Variants in AGFG1 observed in about 807,000 individuals in gnomAD.
AGFG1 encodes the protein ArfGAP with FG repeats 1.
Under a neutral mutation model 60.6 loss-of-function variants are expected in AGFG1, and 10 were observed. That is an observed-to-expected ratio of 0.16 (90% CI 0.10 to 0.28). The LOEUF is 0.28. Among genes scored for constraint, AGFG1 ranks in the 10% least tolerant of loss-of-function variants. The probability of loss-of-function intolerance (pLI) is 1.00; values close to 1 mark genes in which losing one functional copy is unlikely to be tolerated. For missense variants in AGFG1, 537 were observed against 676.5 expected, an observed-to-expected ratio of 0.79 and a Z score of 2.29; for synonymous variants, 247 against 242.9, an observed-to-expected ratio of 1.02 and a Z score of -0.16.
Position 227,514,213 on chromosome 2 carries a change from A to AT in AGFG1, c.262-5727dup, listed in dbSNP as rs200340922. 6.8e-3 allele frequency among the ~76,000 whole-genome samples: 1,032 copies of AT among 151,966 alleles called. 11 individuals carry two copies. Among genetic ancestry groups the AT allele is most frequent in the African/African-American group, 0.024 (978 of 41,444 alleles). ...GCCCAAAAGTAATATAACTAATACA[A>AT]TTTTTTTTGTTGTTTTTTGAGACAG... On this transcript the variant is annotated intron_variant, in intron 2 of 12. Transcript: ENST00000310078.
chr2:227,474,789 T>C (rs186779793), intron 1 of AGFG1, among the ~76,000 whole-genome samples: 2 of 152,368 alleles, frequency 1.3e-5, no homozygotes, highest in East Asian at 3.9e-4. Flanking sequence ...GATCAAGTAC[T>C]TATGAGCTAG....
At chr2:227,547,781 C>T (rs1692696641) in intron 10 of AGFG1, among the ~76,000 whole-genome samples, 1 of 152,104 alleles carries the variant, frequency 6.6e-6, no homozygotes, top group South Asian at 2.1e-4. Context: ...AACATTTTGG[C>T]AGTTCCTCAA....
chr2:227,515,618 A>G (rs981998316), intron 2 of AGFG1, among the ~76,000 whole-genome samples: 1 of 152,078 alleles, frequency 6.6e-6, no homozygotes, highest in Non-Finnish European at 1.5e-5. Flanking sequence ...TGCTTGATTA[A>G]ACCAATATTC....
chr2:227,528,844 G>T (rs1044848636), intron 5 of AGFG1, among the ~76,000 whole-genome samples: 1 of 152,104 alleles, frequency 6.6e-6, no homozygotes, highest in Non-Finnish European at 1.5e-5. Flanking sequence ...GAAAACAATA[G>T]CCATCATTTA....
intron 2 of AGFG1, among the ~76,000 whole-genome samples, chr2:227,516,235 C>G (rs930165490): frequency 2.0e-5 from 3 of 152,184 alleles, no homozygotes; most frequent in African/African-American, 7.2e-5. Flanking sequence ...TGGGTTCTAC[C>G]TAGAGGGACT....
intron 10 of AGFG1, among the ~76,000 whole-genome samples, chr2:227,550,947 T>G (rs1013449626): frequency 9.9e-5 from 15 of 152,196 alleles, no homozygotes; most frequent in African/African-American, 3.4e-4. Flanking sequence ...TGGCTCTTAT[T>G]TTACTGAGAC....
intron 1 of AGFG1, among the ~76,000 whole-genome samples, chr2:227,482,641 A>G (rs572698717): frequency 1.3e-5 from 2 of 152,352 alleles, no homozygotes; most frequent in South Asian, 4.1e-4. Flanking sequence ...AGCTTCTCCC[A>G]CAGCAGGAGA....
intron 2 of AGFG1, among the ~76,000 whole-genome samples, chr2:227,497,730 G>GC (rs1691020080): frequency 2.6e-5 from 1 of 38,940 alleles, no homozygotes; most frequent in African/African-American, 7.6e-5. Context: ...TTTCTTTCTT[G>GC]TTTTGTTTTT....
At chr2:227,509,664 T>C (rs1691438105) in intron 2 of AGFG1, among the ~76,000 whole-genome samples, 1 of 152,024 alleles carries the variant, frequency 6.6e-6, no homozygotes, top group South Asian at 2.1e-4. Flanking sequence ...TGGTAAAGGG[T>C]ATGTGGGATG....
At chr2:227,493,496 A>G (rs751341857) in intron 2 of AGFG1, among the ~76,000 whole-genome samples, 5 of 152,184 alleles carry the variant, frequency 3.3e-5, no homozygotes, top group Non-Finnish European at 7.4e-5. Context: ...CTGAAGGAAT[A>G]TTTTTTAAGG....
Position 227,554,463 on chromosome 2 carries a change from A to T in AGFG1, c.1657A>T (p.Thr553Ser), listed in dbSNP as rs770002220. 2 of 1,613,708 alleles carry T rather than the reference A, an allele frequency of 1.2e-6. No homozygotes were observed. The highest frequency in any genetic ancestry group is 1.7e-6 in the Non-Finnish European group (2 of 1,179,772). Residue 553 changes from threonine (T) to serine (S), a missense_variant, in exon 13 of 13, where the codon ACA becomes TCA. Physicochemically the swap from Thr to Ser is moderately conservative, Grantham distance 58 (BLOSUM62 1). Transcript: ENST00000310078. ...TGGTGCACCAACAGGACAATTTCCA[A>T]CAGGAAGCTCATCAACCAATCCTTT... ...MTGAPTGQFP[T>S]GSSSTNPFL
At chr2:227,494,901 C>T (rs1690932053) in intron 2 of AGFG1, among the ~76,000 whole-genome samples, 1 of 152,136 alleles carries the variant, frequency 6.6e-6, no homozygotes, top group Admixed American at 6.5e-5. Context: ...GTATTTTAGT[C>T]ATCAATAAAG....
intron 1 of AGFG1, among the ~76,000 whole-genome samples, chr2:227,483,580 CTT>C (rs1690531424): frequency 6.6e-6 from 1 of 152,108 alleles, no homozygotes; most frequent in African/African-American, 2.4e-5. Context: ...GGACTCATAA[CTT>C]TTCTAGATTG....
At chr2:227,485,824 C>A (rs1222377070) in intron 1 of AGFG1, among the ~76,000 whole-genome samples, 4 of 152,148 alleles carry the variant, frequency 2.6e-5, no homozygotes, top group Non-Finnish European at 5.9e-5. Flanking sequence ...CTCCATCTTT[C>A]ATTTAATGTT....
chr2:227,494,904 C>A (rs1456615820), intron 2 of AGFG1, among the ~76,000 whole-genome samples: 3 of 152,122 alleles, frequency 2.0e-5, no homozygotes, highest in Admixed American at 2.0e-4. Context: ...TTTTAGTCAT[C>A]AATAAAGTAT....
intron 2 of AGFG1, among the ~76,000 whole-genome samples, chr2:227,506,804 T>C (rs1376187994): frequency 6.6e-6 from 1 of 152,182 alleles, no homozygotes; most frequent in Non-Finnish European, 1.5e-5. Context: ...ATTCTTATTC[T>C]CTGCCCTCCT....
At chr2:227,478,174 T>C (rs538184950) in intron 1 of AGFG1, among the ~76,000 whole-genome samples, 1 of 151,752 alleles carries the variant, frequency 6.6e-6, no homozygotes, top group Middle Eastern at 3.4e-3. Flanking sequence ...GAACCCCTCA[T>C]TGTATGCAGT....
intron 2 of AGFG1, chr2:227,508,690 T>C (rs1691400807): frequency 4.7e-6 from 2 of 426,764 alleles, no homozygotes; most frequent in African/African-American, 2.2e-5. Context: ...CTGTTGGGAT[T>C]TTTTTTTTTT....
At chr2:227,546,440 C>T (rs988871574) in intron 10 of AGFG1, among the ~76,000 whole-genome samples, 13 of 152,228 alleles carry the variant, frequency 8.5e-5, no homozygotes, top group Admixed American at 5.2e-4. Flanking sequence ...TTGCACTTCC[C>T]GGGTGAGGTG....
Sources: allele counts gnomAD v4.1 joint callset (sites outside exome capture counted in the v4.1 genomes callset), GRCh38; gene constraint gnomAD v4.1.1; transcripts MANE v1.5; gene names NCBI Gene and HGNC (gene_info 2026-07-23, HGNC 2026-07-21).